The following ARHGAP15 variants were observed in gnomAD, a reference collection of about 807,000 sequenced individuals.
ARHGAP15 encodes Rho GTPase activating protein 15.
ARHGAP15 carries 51 observed loss-of-function variants against 63.7 expected under a neutral mutation model. The observed-to-expected ratio is 0.80, with a 90% confidence interval of 0.64 to 1.01. ARHGAP15 has a LOEUF of 1.01. Ranked by LOEUF, ARHGAP15 falls within the 50% of genes least tolerant of loss-of-function variation. The probability of loss-of-function intolerance (pLI) is 0.00; values close to 1 mark genes in which losing one functional copy is unlikely to be tolerated. For synonymous variants in ARHGAP15, 191 were observed against 193.8 expected, an observed-to-expected ratio of 0.99 and a Z score of 0.12; for missense variants, 560 against 564.6, an observed-to-expected ratio of 0.99 and a Z score of 0.08.
intron 7 of ARHGAP15, among the ~76,000 whole-genome samples, chr2:143,436,457 T>C (rs1489859382): frequency 6.6e-6 from 1 of 152,186 alleles, no homozygotes; most frequent in Non-Finnish European, 1.5e-5. Flanking sequence ...TATTAGTATA[T>C]TCCCCTTAAA....
intron 6 of ARHGAP15, among the ~76,000 whole-genome samples, chr2:143,260,760 A>G (rs1680674797): frequency 6.6e-6 from 1 of 152,156 alleles, no homozygotes; most frequent in African/African-American, 2.4e-5. Flanking sequence ...TATTTCTACC[A>G]CTAAAAATAA....
At chr2:143,537,222 G>GTTTGT (rs541680974) in intron 10 of ARHGAP15, among the ~76,000 whole-genome samples, 1 of 151,690 alleles carries the variant, frequency 6.6e-6, no homozygotes, top group Non-Finnish European at 1.5e-5. Flanking sequence ...TTTTGACGAG[G>GTTTGT]TTGTTTGTTT....
At chr2:143,752,188 C>A (rs1429498294) in intron 13 of ARHGAP15, among the ~76,000 whole-genome samples, 1 of 152,144 alleles carries the variant, frequency 6.6e-6, no homozygotes, top group East Asian at 1.9e-4. Context: ...CCTCTATTAC[C>A]AGTGTCTCAG....
At chr2:143,751,755 T>G (rs1026502454) in intron 13 of ARHGAP15, among the ~76,000 whole-genome samples, 1 of 152,156 alleles carries the variant, frequency 6.6e-6, no homozygotes, top group African/African-American at 2.4e-5. Flanking sequence ...ATTTCTGCCC[T>G]GTTAATGCCC....
intron 6 of ARHGAP15, among the ~76,000 whole-genome samples, chr2:143,405,818 G>C (rs542440190): frequency 1.3e-5 from 2 of 151,756 alleles, no homozygotes; most frequent in African/African-American, 2.4e-5. Flanking sequence ...TAAGAATATT[G>C]ACATAAAGAA....
At chr2:143,337,257 T>C (rs1175162189) in intron 6 of ARHGAP15, among the ~76,000 whole-genome samples, 2 of 151,990 alleles carry the variant, frequency 1.3e-5, no homozygotes, top group Non-Finnish European at 2.9e-5. Context: ...CAGAAGAAGG[T>C]AGCAGAAGAT....
intron 13 of ARHGAP15, among the ~76,000 whole-genome samples, chr2:143,717,424 T>A (rs1684856652): frequency 6.6e-6 from 1 of 152,212 alleles, no homozygotes; most frequent in Non-Finnish European, 1.5e-5. Flanking sequence ...CCACTGCCCA[T>A]AGGAATTCCA....
intron 12 of ARHGAP15, among the ~76,000 whole-genome samples, chr2:143,685,187 A>G (rs1176158300): frequency 6.6e-6 from 1 of 151,128 alleles, no homozygotes; most frequent in African/African-American, 2.4e-5. Flanking sequence ...GTGGGCTTGT[A>G]GGGTGACCAT....
intron 6 of ARHGAP15, among the ~76,000 whole-genome samples, chr2:143,393,566 T>C (rs143156194): frequency 7.9e-5 from 12 of 151,878 alleles, no homozygotes; most frequent in African/African-American, 2.7e-4. Flanking sequence ...ACCCCATCTC[T>C]ACTAAAAACA....
intron 13 of ARHGAP15, among the ~76,000 whole-genome samples, chr2:143,745,307 C>G (rs1444172693): frequency 6.6e-6 from 1 of 152,210 alleles, no homozygotes; most frequent in African/African-American, 2.4e-5. Context: ...ATCATATCAC[C>G]CTTTTACACT....
intron 8 of ARHGAP15, among the ~76,000 whole-genome samples, chr2:143,475,368 T>A (rs544791624): frequency 1.1e-3 from 165 of 152,360 alleles, no homozygotes; most frequent in African/African-American, 4.0e-3. Flanking sequence ...CATTTTTCAA[T>A]ACACTTCCTG....
intron 10 of ARHGAP15, among the ~76,000 whole-genome samples, chr2:143,527,572 A>C (rs563826798): frequency 1.3e-5 from 2 of 152,194 alleles, no homozygotes; most frequent in African/African-American, 4.8e-5. Flanking sequence ...TAATGCTGGA[A>C]GAATTCTTGA....
At chr2:143,700,488 C>T (rs1574858090) in intron 12 of ARHGAP15, among the ~76,000 whole-genome samples, 1 of 152,092 alleles carries the variant, frequency 6.6e-6, no homozygotes, top group Non-Finnish European at 1.5e-5. Flanking sequence ...CTGGCATTAA[C>T]CTGATTATTA....
chr2:143,526,335 T>C (rs942346781), intron 10 of ARHGAP15, among the ~76,000 whole-genome samples: 1 of 152,130 alleles, frequency 6.6e-6, no homozygotes, highest in Admixed American at 6.6e-5. Flanking sequence ...AAATCCACAA[T>C]GCATCAGAAT....
chr2:143,704,927 T>C (rs1327361181), intron 13 of ARHGAP15, among the ~76,000 whole-genome samples: 1 of 152,174 alleles, frequency 6.6e-6, no homozygotes. Context: ...TGCCTACCAC[T>C]CTTAGCCTGC....
At chr2:143,636,081 C>G (rs1680297411) in intron 12 of ARHGAP15, among the ~76,000 whole-genome samples, 1 of 152,072 alleles carries the variant, frequency 6.6e-6, no homozygotes, top group African/African-American at 2.4e-5. Flanking sequence ...CCTTTTTCTT[C>G]TCACCTTGAG....
At chr2:143,447,677 AGT>A (rs1208432821) in intron 8 of ARHGAP15, among the ~76,000 whole-genome samples, 1 of 152,184 alleles carries the variant, frequency 6.6e-6, no homozygotes, top group Admixed American at 6.6e-5. Flanking sequence ...TCTGAAACCT[AGT>A]GGTGTTCAGA....
At chr2:143,514,857 G>A (rs979796249) in intron 9 of ARHGAP15, among the ~76,000 whole-genome samples, 1 of 152,152 alleles carries the variant, frequency 6.6e-6, no homozygotes, top group African/African-American at 2.4e-5. Flanking sequence ...GAAACAAGAG[G>A]ATGAGTAGAA....
At chr2:143,180,778 A>G (rs1362637933) in intron 2 of ARHGAP15, among the ~76,000 whole-genome samples, 4 of 152,022 alleles carry the variant, frequency 2.6e-5, no homozygotes, top group Non-Finnish European at 5.9e-5. Context: ...GGTTCACTGC[A>G]TTGTCCTGCC....
Sources: gnomAD v4.1 joint callset for allele counts (sites outside exome capture counted in the v4.1 genomes callset) on GRCh38, gnomAD v4.1.1 for gene constraint, MANE v1.5 for transcripts, NCBI Gene and HGNC (gene_info 2026-07-23, HGNC 2026-07-21) for gene names.